The following RPA1 variants were observed in gnomAD, a reference collection of about 807,000 sequenced individuals.
RPA1 encodes replication protein A1, also known as replication protein A 70 kDa DNA-binding subunit.
A neutral mutation model predicts 83.0 loss-of-function variants in RPA1; 49 were observed. That is an observed-to-expected ratio of 0.59 (90% confidence interval 0.47 to 0.75). RPA1 has a LOEUF of 0.75. RPA1 is among the 30% of genes least tolerant of loss of function. RPA1 has a pLI of 0.00. For missense variants in RPA1, 693 were observed against 776.1 expected (o/e 0.89, Z 1.27); for synonymous variants, 279 against 281.8 (o/e 0.99, Z 0.10).
At chr17:1,842,945 A>G (rs1329873208) in intron 2 of RPA1, 92 bp downstream of exon 2, 1 of 1,374,704 alleles carries the variant, frequency 7.3e-7, no homozygotes, top group African/African-American at 1.4e-5. Flanking sequence ...AGATTTGTCC[A>G]CTTTCGGAAA....
chr17:1,896,932 C>T (rs1272726113), intron 16 of RPA1, 139 bp from the exon 17 acceptor site: 2 of 713,602 alleles, frequency 2.8e-6, no homozygotes, highest in South Asian at 3.2e-5. Context: ...AGGAGGCTGT[C>T]ACTCACTGGA....
chr17:1,889,770 C>T (rs190221119), intron 14 of RPA1, among the ~76,000 whole-genome samples: 3 of 152,156 alleles, frequency 2.0e-5, no homozygotes, highest in African/African-American at 4.8e-5. Flanking sequence ...GAGGCCGAGG[C>T]GGGTGCGTCA....
chr17:1,875,562 C>G (rs1044608498), intron 6 of RPA1, 99 bp from the exon 7 acceptor site: 2 of 1,293,408 alleles, frequency 1.5e-6, no homozygotes, highest in Non-Finnish European at 2.1e-6. Flanking sequence ...TATGATTTCA[C>G]TAGTGGCACC....
chr17:1,836,982 C>T (rs750492773), intron 1 of RPA1, among the ~76,000 whole-genome samples: 6 of 151,784 alleles, frequency 4.0e-5, no homozygotes, highest in African/African-American at 1.2e-4. Context: ...GGATTACAGC[C>T]GCATGCCACC....
chr17:1,881,728 C>T (rs1415465451), intron 12 of RPA1, among the ~76,000 whole-genome samples: 1 of 152,204 alleles, frequency 6.6e-6, no homozygotes, highest in East Asian at 1.9e-4. Flanking sequence ...TGTCAATAAT[C>T]ATGATCCCAG....
chr17:1,830,210 C>A (rs1177530486), intron 1 of RPA1, 84 bp downstream of exon 1: 1 of 452,384 alleles, frequency 2.2e-6, no homozygotes, highest in African/African-American at 4.2e-5. Flanking sequence ...GAGGGGAGCC[C>A]GGGGCGACGG....
At chr17:1,885,960 T>G (rs1050245345) in intron 13 of RPA1, among the ~76,000 whole-genome samples, 16 of 152,244 alleles carry the variant, frequency 1.1e-4, no homozygotes, top group African/African-American at 3.9e-4. Flanking sequence ...GCATCTCCAT[T>G]GAGCCCTCGG....
Position 1,879,382 on chromosome 17 carries a change from G to A in RPA1, c.927G>A (p.Glu309=). ...ATTTCACGGGGATTGATGACCTCGA[G>A]AACAAGTCGAAAGACTCACTTGTAG... ...QFDFTGIDDL[E]NKSKDSLVDI... is the part of the protein sequence containing the mutation. The change falls in exon 10 of 17, where the codon GAG becomes GAA. Residue 309 remains glutamate (E), a synonymous_variant. Transcript: ENST00000254719. The A allele has an allele frequency of 3.7e-6, 6 of 1,614,162 alleles. No individual in the cohort carries two copies. The highest frequency in any genetic ancestry group is 5.1e-6 in the Non-Finnish European group (6 of 1,180,028).
chr17:1,896,099 AC>A (rs1207213587), intron 16 of RPA1, among the ~76,000 whole-genome samples: 2 of 152,156 alleles, frequency 1.3e-5, no homozygotes, highest in Non-Finnish European at 2.9e-5. Flanking sequence ...AACTGTGGTT[AC>A]CCTATTTTGC....
chr17:1,857,391 A>G (rs1263606016), intron 5 of RPA1, among the ~76,000 whole-genome samples: 2 of 152,062 alleles, frequency 1.3e-5, no homozygotes, highest in Admixed American at 6.6e-5. Flanking sequence ...AGAAATAACC[A>G]TTAATATGTT....
intron 1 of RPA1, among the ~76,000 whole-genome samples, chr17:1,831,367 A>G (rs1293451244): frequency 6.6e-6 from 1 of 152,010 alleles, no homozygotes. Context: ...TCACGAAGTG[A>G]AGTGTATTTT....
intron 5 of RPA1, among the ~76,000 whole-genome samples, chr17:1,867,794 A>T (rs1913234629): frequency 1.3e-5 from 2 of 152,022 alleles, no homozygotes; most frequent in South Asian, 4.2e-4. Context: ...ATACAGGGCT[A>T]TGGGCCGGGT....
chr17:1,891,806 G>A (rs1383153165), intron 14 of RPA1, 27 bp from the exon 15 acceptor site: 1 of 1,389,036 alleles, frequency 7.2e-7, no homozygotes, highest in Non-Finnish European at 1.0e-6. Context: ...TTTCTTTGCT[G>A]AAATAATGTA....
intron 5 of RPA1, among the ~76,000 whole-genome samples, chr17:1,865,676 C>T (rs1913149317): frequency 6.6e-6 from 1 of 152,186 alleles, no homozygotes; most frequent in Non-Finnish European, 1.5e-5. Flanking sequence ...TTTTATCCTT[C>T]AGGCGTTTCT....
chr17:1,838,936 C>T (rs1293202262), intron 1 of RPA1, among the ~76,000 whole-genome samples: 2 of 152,078 alleles, frequency 1.3e-5, no homozygotes, highest in African/African-American at 4.8e-5. Flanking sequence ...CTGCAAGCTC[C>T]ACCTCCCGGA....
chr17:1,869,342 G>C (rs541217870), intron 5 of RPA1, among the ~76,000 whole-genome samples: 1 of 152,246 alleles, frequency 6.6e-6, no homozygotes, highest in African/African-American at 2.4e-5. Context: ...TTTGAGACCA[G>C]CCTGGCCAAC....
chr17:1,857,093 C>T (rs1320363135), intron 5 of RPA1, among the ~76,000 whole-genome samples: 2 of 151,780 alleles, frequency 1.3e-5, no homozygotes, highest in African/African-American at 2.4e-5. Flanking sequence ...ATAAATCTGC[C>T]CTTAGCTACT....
chr17:1,875,231 C>T (rs1913530185), intron 6 of RPA1, among the ~76,000 whole-genome samples: 1 of 152,180 alleles, frequency 6.6e-6, no homozygotes, highest in Non-Finnish European at 1.5e-5. Flanking sequence ...TGTGATAGGT[C>T]CCTTACATCC....
intron 1 of RPA1, among the ~76,000 whole-genome samples, chr17:1,832,735 C>G (rs1345835994): frequency 1.3e-5 from 2 of 152,102 alleles, no homozygotes; most frequent in East Asian, 3.9e-4. Flanking sequence ...TAAACTGTTT[C>G]TTTTCTGTAA....
Sources: gnomAD v4.1 joint callset for allele counts (sites outside exome capture counted in the v4.1 genomes callset) on GRCh38, gnomAD v4.1.1 for gene constraint, MANE v1.5 for transcripts, NCBI Gene and HGNC (gene_info 2026-07-23, HGNC 2026-07-21) for gene names.